DLC1: variants seen among roughly 807,000 people sequenced by gnomAD.
DLC1 encodes the protein rho GTPase-activating protein 7.
DLC1 carries 54 observed loss-of-function variants against 140.3 expected under a neutral mutation model. The observed-to-expected ratio is 0.38, with a 90% confidence interval of 0.31 to 0.48. DLC1 has a LOEUF of 0.48. DLC1 is among the 20% of genes least tolerant of loss of function. The pLI is 0.96. For missense variants in DLC1, 2,536 were observed against 1,907.0 expected, an observed-to-expected ratio of 1.33 and a Z score of -6.14; for synonymous variants, 986 against 728.1, an observed-to-expected ratio of 1.35 and a Z score of -5.70.
At chr8:13,489,741 C>T (rs971306808) in intron 2 of DLC1, among the ~76,000 whole-genome samples, 4 of 152,058 alleles carry the variant, frequency 2.6e-5, no homozygotes, top group African/African-American at 9.7e-5. Flanking sequence ...GACACTTAAC[C>T]CTGGGCAGTG....
intron 4 of DLC1, chr8:13,340,104 G>C (rs1426949119): frequency 6.6e-6 from 1 of 151,638 alleles, no homozygotes; most frequent in African/African-American, 2.4e-5. Flanking sequence ...CAGGGAAGGA[G>C]GTCCTGGGGA....
chr8:13,389,154 G>C (rs75722642), intron 4 of DLC1, among the ~76,000 whole-genome samples: 2,532 of 151,766 alleles, frequency 0.017, 98 homozygotes, highest in African/African-American at 0.057. Context: ...TGTTTTCTGG[G>C]GCTTGGCTCT....
chr8:13,133,453 T>A (rs1474968895), intron 5 of DLC1: 2 of 221,636 alleles, frequency 9.0e-6, no homozygotes, highest in African/African-American at 1.3e-4. Flanking sequence ...CCCCCGCCCC[T>A]CTTCCTCGTG....
At chr8:13,493,753 C>T (rs1349976232) in intron 2 of DLC1, among the ~76,000 whole-genome samples, 1 of 152,060 alleles carries the variant, frequency 6.6e-6, no homozygotes, top group Non-Finnish European at 1.5e-5. Context: ...CAGCCTCCTA[C>T]TTTGGTTCAT....
chr8:13,301,689 C>T (rs893118279), intron 5 of DLC1, among the ~76,000 whole-genome samples: 3 of 152,144 alleles, frequency 2.0e-5, no homozygotes, highest in African/African-American at 4.8e-5. Flanking sequence ...GGACCAGTAC[C>T]GGTCTGTGAT....
At position 13,357,768 on chromosome 8, in the gene DLC1, T is replaced by A. The variant is rs922236990; in HGVS notation, c.1314+35785A>T. 7.2e-5 allele frequency among the ~76,000 whole-genome samples: 11 copies of A among 152,320 alleles called. No individual in the cohort carries two copies. The South Asian group carries it at 2.1e-3, about 29-fold the overall frequency. Reference sequence around the variant, plus strand: ...TTGCAATAGATATGTTGAACTCTTATGAAAATCCAGATGGATGAAGACACC... The same window carrying A: ...TTGCAATAGATATGTTGAACTCTTAAGAAAATCCAGATGGATGAAGACACC... On this transcript the variant is annotated intron_variant, in intron 4 of 17. Transcript: ENST00000276297.
At chr8:13,580,146 A>C (rs1333756831) in intron 1 of DLC1, among the ~76,000 whole-genome samples, 2 of 90,572 alleles carry the variant, frequency 2.2e-5, no homozygotes, top group Non-Finnish European at 4.8e-5. Flanking sequence ...TTTTTGAGAC[A>C]GAGTTTTGCT....
chr8:13,564,748 A>G (rs747777371), intron 1 of DLC1, among the ~76,000 whole-genome samples: 1 of 152,222 alleles, frequency 6.6e-6, no homozygotes, highest in Non-Finnish European at 1.5e-5. Flanking sequence ...ATTCTTGATC[A>G]TTAAGGAAAA....
Position 13,594,808 on chromosome 8 carries a change from A to G in DLC1, c.-126+9729T>C, listed in dbSNP as rs554650264. Among the ~76,000 whole-genome samples, 12 of 152,198 alleles carry G rather than the reference A, an allele frequency of 7.9e-5. No homozygotes were observed. The South Asian group carries it at 2.5e-3, about 32-fold the overall frequency. ...GCAGAGGTTTTTTTTCAAGCAAGTT[A>G]GAAGAAATGATCTAATTTCAGGGTG... is the stretch of plus-strand genomic sequence containing the variant. On this transcript the variant is annotated intron_variant, in intron 1 of 1. Coordinates refer to the DLC1 transcript ENST00000631382.
At chr8:13,432,513 G>A (rs1185652363) in intron 2 of DLC1, among the ~76,000 whole-genome samples, 10 of 151,986 alleles carry the variant, frequency 6.6e-5, no homozygotes, top group Admixed American at 3.3e-4. Context: ...TCATTTTATC[G>A]AACATCATTG....
At chr8:13,302,874 G>A (rs544981573) in intron 5 of DLC1, among the ~76,000 whole-genome samples, 1 of 151,764 alleles carries the variant, frequency 6.6e-6, no homozygotes, top group Non-Finnish European at 1.5e-5. Flanking sequence ...AAAGAAACAA[G>A]ATTTATATTT....
intron 5 of DLC1, among the ~76,000 whole-genome samples, chr8:13,162,814 C>T (rs1585810937): frequency 6.6e-6 from 1 of 152,146 alleles, no homozygotes; most frequent in African/African-American, 2.4e-5. Context: ...GGTGTGGTGT[C>T]ATGCTCCTGT....
At chr8:13,582,931 G>A (rs1170392247) in intron 1 of DLC1, among the ~76,000 whole-genome samples, 1 of 120,304 alleles carries the variant, frequency 8.3e-6, no homozygotes, top group Non-Finnish European at 1.7e-5. Flanking sequence ...TGGTGTAATA[G>A]CATTATGTCT....
At chr8:13,086,629 G>C (rs1043654330) in intron 16 of DLC1, among the ~76,000 whole-genome samples, 166 bp from the exon 17 acceptor site, 1 of 152,192 alleles carries the variant, frequency 6.6e-6, no homozygotes, top group Admixed American at 6.5e-5. Flanking sequence ...ACTTGCTATG[G>C]TGTACATGTG....
chr8:13,090,848 T>C (rs1299930625), intron 14 of DLC1, among the ~76,000 whole-genome samples: 1 of 149,576 alleles, frequency 6.7e-6, no homozygotes, highest in South Asian at 2.1e-4. Context: ...TTCTGTTACC[T>C]AGTGGAGTGC....
intron 5 of DLC1, among the ~76,000 whole-genome samples, chr8:13,220,042 C>T (rs897720881): frequency 3.3e-5 from 5 of 152,112 alleles, no homozygotes; most frequent in African/African-American, 9.7e-5. Flanking sequence ...GCGGGAGTGA[C>T]TGCTCAATGG....
intron 5 of DLC1, among the ~76,000 whole-genome samples, chr8:13,171,817 G>C (rs888336532): frequency 4.6e-5 from 7 of 152,158 alleles, no homozygotes; most frequent in Non-Finnish European, 8.8e-5. Context: ...AAACCCTTGG[G>C]GACGTCAGTG....
chr8:13,326,413 T>C (rs930208985), intron 4 of DLC1, among the ~76,000 whole-genome samples: 2 of 152,170 alleles, frequency 1.3e-5, no homozygotes, highest in African/African-American at 2.4e-5. Flanking sequence ...AGAATACATA[T>C]ACAACATTAC....
intron 1 of DLC1, among the ~76,000 whole-genome samples, chr8:13,560,223 T>C (rs1263083001): frequency 6.6e-6 from 1 of 152,296 alleles, no homozygotes; most frequent in Admixed American, 6.5e-5. Flanking sequence ...TAGGAAATCA[T>C]TGCCTAATGC....
Sources: allele counts gnomAD v4.1 joint callset (sites outside exome capture counted in the v4.1 genomes callset), GRCh38; gene constraint gnomAD v4.1.1; transcripts MANE v1.5; gene names NCBI Gene and HGNC (gene_info 2026-07-23, HGNC 2026-07-21).